The following LARP4 variants were observed in gnomAD, a reference collection of about 807,000 sequenced individuals.
LARP4 encodes La ribonucleoprotein 4, also known as la-related protein 4.
Under a neutral mutation model 92.9 loss-of-function variants are expected in LARP4, and 29 were observed. The observed-to-expected ratio is 0.31, with a 90% CI of 0.23 to 0.43. LARP4 has a LOEUF of 0.43. LARP4 is among the 20% of genes least tolerant of loss of function. The pLI is 1.00. For synonymous variants in LARP4, 279 were observed against 284.1 expected (o/e 0.98, Z 0.18); for missense variants, 732 against 860.0 (o/e 0.85, Z 1.86).
In LARP4 at chr12:50,418,900, T is replaced by G. The variant is rs115113229; in HGVS notation, c.19-8862T>G. Among the ~76,000 whole-genome samples the G allele has an allele frequency of 8.0e-3, 1,212 of 152,222 alleles. 15 individuals carry two copies. Among genetic ancestry groups the G allele is most frequent in the African/African-American group, 0.028 (1,159 of 41,544 alleles). On this transcript the variant is annotated intron_variant, in intron 1 of 15. Transcript: ENST00000398473. ...CCCTGGCTAAGTTTTTAATCTTTTT[T>G]GTAGAGGGGGGTGGTCTTCCTATGT...
At chr12:50,455,535 C>G (rs1158703931) in intron 10 of LARP4, among the ~76,000 whole-genome samples, 1 of 152,116 alleles carries the variant, frequency 6.6e-6, no homozygotes, top group Non-Finnish European at 1.5e-5. Context: ...TTCGATTCTT[C>G]TAATTATTTC....
At chr12:50,473,631 C>T (rs571779690) in intron 14 of LARP4, 95 bp downstream of exon 14, 71 of 1,322,640 alleles carry the variant, frequency 5.4e-5, no homozygotes, top group Middle Eastern at 2.3e-4. Context: ...TTTGGGAGGC[C>T]GAGGCAGGTG....
chr12:50,404,561 T>A, intron 1 of LARP4, among the ~76,000 whole-genome samples: 1 of 151,952 alleles, frequency 6.6e-6, no homozygotes, highest in African/African-American at 2.4e-5. Flanking sequence ...TATATTGACT[T>A]CAGTAGATTA....
chr12:50,412,898 T>A (rs1416363983), intron 1 of LARP4, among the ~76,000 whole-genome samples: 2 of 152,118 alleles, frequency 1.3e-5, no homozygotes, highest in Non-Finnish European at 2.9e-5. Context: ...AAGATTTTGA[T>A]GGCGGTCTAA....
intron 4 of LARP4, among the ~76,000 whole-genome samples, chr12:50,434,332 G>A (rs1216357932): frequency 6.6e-6 from 1 of 151,642 alleles, no homozygotes; most frequent in Admixed American, 6.6e-5. Context: ...TGTGTAAGAT[G>A]CAAGTGTTTG....
At chr12:50,448,878 A>T (rs1231258352) in intron 8 of LARP4, among the ~76,000 whole-genome samples, 1 of 152,214 alleles carries the variant, frequency 6.6e-6, no homozygotes, top group Non-Finnish European at 1.5e-5. Flanking sequence ...TTTAAAAATG[A>T]ACAATGTCTT....
Position 50,477,853 on chromosome 12 carries a change from C to T in LARP4, c.*1989C>T, listed in dbSNP as rs1228453627. On this transcript the variant is annotated 3_prime_UTR_variant, in exon 16 of 16. Coordinates refer to ENST00000398473, the MANE Select transcript of LARP4 (RefSeq NM_052879.5). ...AAAACATATTAATCATTGACTACAT[C>T]TATGATAAAAGTGCTTATTTTGGTT... 6.6e-6 allele frequency: 1 copy of T among 152,434 alleles called. No homozygotes were observed. Among genetic ancestry groups the T allele is most frequent in the Non-Finnish European group, 1.5e-5 (1 of 67,906 alleles). The allele number at this position is 152,434 out of a possible 1,614,324, so 9.4% of individuals were successfully genotyped here. A position where few individuals can be genotyped will look rare whatever the true frequency, so the allele number is the denominator to read the frequency against.
intron 2 of LARP4, among the ~76,000 whole-genome samples, chr12:50,428,629 T>G (rs1949180900): frequency 6.6e-6 from 1 of 152,228 alleles, no homozygotes; most frequent in South Asian, 2.1e-4. Context: ...TCCCTCCATC[T>G]GTAAAACAGA....
At chr12:50,450,261 G>A (rs368904790) in intron 8 of LARP4, among the ~76,000 whole-genome samples, 1 of 152,168 alleles carries the variant, frequency 6.6e-6, no homozygotes, top group Admixed American at 6.5e-5. Flanking sequence ...TTACCTTGCT[G>A]TGCAGTTTGT....
intron 8 of LARP4, among the ~76,000 whole-genome samples, chr12:50,442,052 AAAC>A (rs894951175): frequency 1.3e-5 from 2 of 152,350 alleles, no homozygotes; most frequent in African/African-American, 4.8e-5. Context: ...CTTGTCTCAA[AAAC>A]AACAACAACA....
intron 7 of LARP4, 118 bp downstream of exon 7, chr12:50,440,667 G>C (rs1427732409): frequency 1.6e-6 from 1 of 637,142 alleles, no homozygotes; most frequent in African/African-American, 1.8e-5. Context: ...TGAGTACCTT[G>C]GTCACCCTTT....
chr12:50,459,581 T>C (rs373229871), intron 10 of LARP4, among the ~76,000 whole-genome samples: 112 of 152,246 alleles, frequency 7.4e-4, no homozygotes, highest in African/African-American at 2.6e-3. Context: ...ATCCCAGCAC[T>C]CTGGGAGGCC....
chr12:50,414,422 G>C (rs1565948313), intron 1 of LARP4, among the ~76,000 whole-genome samples: 1 of 152,256 alleles, frequency 6.6e-6, no homozygotes, highest in East Asian at 1.9e-4. Flanking sequence ...TCTCGTCTCA[G>C]CCTCTTGGGT....
At chr12:50,472,614 C>T (rs1207627770) in intron 13 of LARP4, among the ~76,000 whole-genome samples, 1 of 151,872 alleles carries the variant, frequency 6.6e-6, no homozygotes, top group African/African-American at 2.4e-5. Flanking sequence ...TTCAACCTCC[C>T]AGACTCACGT....
chr12:50,430,586 CT>C lies in LARP4; in HGVS notation c.398+19del. ...GTTTTTCACGGTATTGCTGTTTCCC[CT>C]TTATTGAATTTTATTAGTAGATGTA... is the stretch of plus-strand genomic sequence containing the variant. On this transcript the variant is annotated intron_variant, in intron 4 of 15. Transcript: ENST00000398473. The C allele has an allele frequency of 6.7e-7, 1 of 1,502,656 alleles. No individual in the cohort carries two copies. The highest frequency in any genetic ancestry group is 9.2e-7 in the Non-Finnish European group (1 of 1,090,788). 93.1% of individuals were successfully genotyped at this position (1,502,656 alleles called of 1,614,324 possible). A position where few individuals can be genotyped will look rare whatever the true frequency, so the allele number is the denominator to read the frequency against.
At position 50,474,314 on chromosome 12, in the gene LARP4, G is replaced by A. The variant is rs58888905; in HGVS notation, c.1836+147G>A. 0.09 allele frequency: 55,540 copies of A among 619,116 alleles called. 7,185 individuals are homozygous for A. The highest frequency in any genetic ancestry group is 0.49 in the East Asian group (17,317 of 35,620). The allele number at this position is 619,116 out of a possible 1,614,324, so 38.4% of individuals were successfully genotyped here. ...TCAGAAAGAAGCTTAAGGAGTGTTA[G>A]GGTCACTGCAAAGAGATGGAAAGTT... On this transcript the variant is annotated intron_variant, in intron 15 of 15. Coordinates refer to ENST00000398473, the MANE Select transcript of LARP4 (RefSeq NM_052879.5).
chr12:50,467,142 C>T, intron 13 of LARP4, 22 bp downstream of exon 13: 2 of 1,573,428 alleles, frequency 1.3e-6, no homozygotes. Context: ...GCATCTGAGT[C>T]TTACCTTATG....
intron 8 of LARP4, among the ~76,000 whole-genome samples, chr12:50,446,002 T>C (rs976959901): frequency 6.1e-4 from 90 of 146,830 alleles, no homozygotes; most frequent in Non-Finnish European, 1.1e-3. Flanking sequence ...TTTTCTTTTT[T>C]CTTTTTTTTT....
chr12:50,456,843 GA>G (rs1285965152), intron 10 of LARP4, among the ~76,000 whole-genome samples: 1 of 152,178 alleles, frequency 6.6e-6, no homozygotes, highest in African/African-American at 2.4e-5. Flanking sequence ...AAAGTTGGAT[GA>G]AGGACATTTT....
Sources: allele counts gnomAD v4.1 joint callset (sites outside exome capture counted in the v4.1 genomes callset), GRCh38; gene constraint gnomAD v4.1.1; transcripts MANE v1.5; gene names NCBI Gene and HGNC (gene_info 2026-07-23, HGNC 2026-07-21).